Variants in MAPRE2 observed in about 807,000 individuals in gnomAD.
MAPRE2 encodes the protein microtubule-associated protein RP/EB family member 2.
In MAPRE2, 13 loss-of-function variants were observed where a neutral mutation model predicts 43.2. That is an observed-to-expected ratio of 0.30 (90% CI 0.20 to 0.48). The LOEUF (loss-of-function observed/expected upper bound fraction) is 0.48. MAPRE2 is among the 20% of genes least tolerant of loss of function. The probability of loss-of-function intolerance (pLI) is 0.99; values close to 1 mark genes in which losing one functional copy is unlikely to be tolerated. For synonymous variants in MAPRE2, 135 were observed against 148.8 expected, an observed-to-expected ratio of 0.91 and a Z score of 0.68; for missense variants, 161 against 400.2, an observed-to-expected ratio of 0.40 and a Z score of 5.10.
At chr18:35,064,000 TA>T (rs575347953) in intron 1 of MAPRE2, among the ~76,000 whole-genome samples, 864 of 33,952 alleles carry the variant, frequency 0.025, 17 homozygotes, top group African/African-American at 0.091. Context: ...CCTGTCTCTT[TA>T]AAAAAAAAAA....
chr18:35,071,736 AT>A, intron 2 of MAPRE2, among the ~76,000 whole-genome samples: 1 of 152,204 alleles, frequency 6.6e-6, no homozygotes, highest in Admixed American at 6.5e-5. Context: ...ACCAGTGTAA[AT>A]ATTCTCCCTT....
chr18:34,984,789 T>TTA (rs1342355732), intron 1 of MAPRE2, among the ~76,000 whole-genome samples: 2 of 26,048 alleles, frequency 7.7e-5, no homozygotes, highest in Non-Finnish European at 1.7e-4. Flanking sequence ...TAATATATAG[T>TTA]TATATATTAT....
At chr18:35,026,969 G>A (rs1421259402) in intron 2 of MAPRE2, among the ~76,000 whole-genome samples, 4 of 152,212 alleles carry the variant, frequency 2.6e-5, no homozygotes, top group Admixed American at 1.3e-4. Context: ...ACTTGAAAAT[G>A]AGACTCTGAG....
At chr18:35,013,136 A>G (rs994435662) in intron 2 of MAPRE2, among the ~76,000 whole-genome samples, 2 of 152,226 alleles carry the variant, frequency 1.3e-5, no homozygotes, top group African/African-American at 4.8e-5. Context: ...GAATAATTTC[A>G]ATGTCATGTT....
intron 2 of MAPRE2, among the ~76,000 whole-genome samples, chr18:35,083,277 A>G (rs1193537067): frequency 6.6e-6 from 1 of 152,222 alleles, no homozygotes; most frequent in African/African-American, 2.4e-5. Context: ...AGTGTGTGAG[A>G]ATACGTGAGT....
chr18:35,082,586 C>T (rs1278434919), intron 2 of MAPRE2, among the ~76,000 whole-genome samples: 1 of 152,028 alleles, frequency 6.6e-6, no homozygotes, highest in Admixed American at 6.6e-5. Flanking sequence ...TATCAAATGC[C>T]ACTTTGCCCT....
intron 4 of MAPRE2, among the ~76,000 whole-genome samples, chr18:35,126,613 G>T (rs1909913474): frequency 6.6e-6 from 1 of 152,030 alleles, no homozygotes; most frequent in African/African-American, 2.4e-5. Flanking sequence ...ATACTTTTAA[G>T]TTTATCTAAA....
rs565020902 is a variant in MAPRE2, at chr18:34,998,475, C to T, written c.-69-7017C>T. ...CCAAGTAGCTGGGACTACAGGTGCC[C>T]GCCACCACACCCCGCTAATTTTTTT... On this transcript the variant is annotated intron_variant, in intron 1 of 7. Transcript: ENST00000413393. Among the ~76,000 whole-genome samples, 14 of 151,960 alleles carry T rather than the reference C, an allele frequency of 9.2e-5. No individual in the cohort carries two copies. The South Asian group carries it at 2.5e-3, about 27-fold the overall frequency.
intron 2 of MAPRE2, among the ~76,000 whole-genome samples, chr18:35,075,611 G>A (rs993022567): frequency 1.1e-4 from 16 of 152,128 alleles, no homozygotes; most frequent in African/African-American, 3.6e-4. Flanking sequence ...TAATTGTAAT[G>A]GAATATTATT....
At chr18:35,081,532 G>A (rs1261544334) in intron 2 of MAPRE2, among the ~76,000 whole-genome samples, 1 of 152,180 alleles carries the variant, frequency 6.6e-6, no homozygotes, top group Non-Finnish European at 1.5e-5. Context: ...TTTTCAGGGA[G>A]CTGCCGGGGA....
chr18:35,119,976 A>G (rs1371623521), intron 4 of MAPRE2, among the ~76,000 whole-genome samples: 1 of 152,190 alleles, frequency 6.6e-6, no homozygotes, highest in African/African-American at 2.4e-5. Context: ...GCTGTGTGCC[A>G]GACCCTTGTG....
chr18:35,084,796 G>A (rs1907794285), intron 2 of MAPRE2, among the ~76,000 whole-genome samples: 1 of 152,260 alleles, frequency 6.6e-6, no homozygotes, highest in African/African-American at 2.4e-5. Flanking sequence ...ATGTCAGGTA[G>A]TGGAGAGAAG....
chr18:35,095,834 C>T (rs1377569058), intron 2 of MAPRE2, among the ~76,000 whole-genome samples: 1 of 151,970 alleles, frequency 6.6e-6, no homozygotes, highest in Non-Finnish European at 1.5e-5. Flanking sequence ...CTCTTTCCTC[C>T]CCCAGTGTCT....
intron 1 of MAPRE2, among the ~76,000 whole-genome samples, chr18:34,980,756 A>C (rs2097015819): frequency 1.3e-5 from 2 of 152,220 alleles, no homozygotes; most frequent in South Asian, 4.1e-4. Flanking sequence ...ATGGGCCAAA[A>C]CAATCACTTC....
Position 35,140,492 on chromosome 18 carries a change from G to A in MAPRE2, c.*123G>A, listed in dbSNP as rs773970549. ...TTCCCAATCTGCCGTTACCATCAACGCACTGTTGCATATGCCAGCCACTGC... is the reference window on the plus strand; with the variant it reads ...TTCCCAATCTGCCGTTACCATCAACACACTGTTGCATATGCCAGCCACTGC... On this transcript the variant is annotated 3_prime_UTR_variant, in exon 7 of 7. Transcript: ENST00000300249. 5.3e-6 allele frequency: 5 copies of A among 951,564 alleles called. No homozygotes were observed. Among genetic ancestry groups the A allele is most frequent in the Non-Finnish European group, 6.3e-6 (4 of 632,720 alleles). 58.9% of individuals were successfully genotyped at this position (951,564 alleles called of 1,614,324 possible). A position where few individuals can be genotyped will look rare whatever the true frequency, so the allele number is the denominator to read the frequency against.
chr18:35,134,229 T>G (rs1381454870), intron 6 of MAPRE2, among the ~76,000 whole-genome samples: 1 of 152,172 alleles, frequency 6.6e-6, no homozygotes, highest in Non-Finnish European at 1.5e-5. Context: ...CTTTCCCAAG[T>G]CTAGGAGCAG....
chr18:34,980,046 T>TTC (rs1413987515), intron 1 of MAPRE2, among the ~76,000 whole-genome samples: 1 of 138,692 alleles, frequency 7.2e-6, no homozygotes, highest in East Asian at 2.1e-4. Context: ...TTTTTTTTTT[T>TTC]TTTTTTTTGA....
intron 1 of MAPRE2, among the ~76,000 whole-genome samples, chr18:34,982,257 T>C (rs2097016822): frequency 6.6e-6 from 1 of 152,162 alleles, no homozygotes; most frequent in Non-Finnish European, 1.5e-5. Flanking sequence ...GCTTTTCATC[T>C]AGGTAACCAA....
intron 6 of MAPRE2, among the ~76,000 whole-genome samples, chr18:35,133,953 G>A (rs1033580129): frequency 4.6e-5 from 7 of 152,138 alleles, no homozygotes; most frequent in African/African-American, 1.7e-4. Context: ...GATTCAGAGA[G>A]CCATTCCTGC....
Sources: gnomAD v4.1 joint callset for allele counts (sites outside exome capture counted in the v4.1 genomes callset) on GRCh38, gnomAD v4.1.1 for gene constraint, MANE v1.5 for transcripts, NCBI Gene and HGNC (gene_info 2026-07-23, HGNC 2026-07-21) for gene names.